Variants in ARRB1 observed in about 807,000 individuals in gnomAD.
ARRB1 encodes the protein arrestin beta 1.
ARRB1 carries 21 observed loss-of-function variants against 56.8 expected under a neutral mutation model. The observed-to-expected ratio is 0.37, with a 90% confidence interval of 0.26 to 0.53. ARRB1 has a LOEUF of 0.53. ARRB1 is among the 20% of genes least tolerant of loss of function. ARRB1 has a pLI of 0.88. For missense variants in ARRB1, 424 were observed against 553.7 expected, an observed-to-expected ratio of 0.77 and a Z score of 2.35; for synonymous variants, 210 against 218.6, an observed-to-expected ratio of 0.96 and a Z score of 0.35.
At chr11:75,294,180 C>G (rs991886517) in intron 1 of ARRB1, among the ~76,000 whole-genome samples, 5 of 152,054 alleles carry the variant, frequency 3.3e-5, no homozygotes, top group Non-Finnish European at 1.5e-5. Context: ...CAAGGAGGCC[C>G]GGGCAGAAGA....
intron 8 of ARRB1, 82 bp downstream of exon 8, chr11:75,278,527 T>A: frequency 6.3e-7 from 1 of 1,579,898 alleles, no homozygotes; most frequent in Non-Finnish European, 8.6e-7. Flanking sequence ...GAGGCATCCT[T>A]GCAGGCCAGG....
At chr11:75,349,586 G>C (rs566884095) in intron 1 of ARRB1, among the ~76,000 whole-genome samples, 4 of 152,206 alleles carry the variant, frequency 2.6e-5, no homozygotes, top group African/African-American at 7.2e-5. Flanking sequence ...GAGTCACTCC[G>C]ATCACAAGGC....
chr11:75,284,197 CG>C (rs779283389), intron 4 of ARRB1, 37 bp downstream of exon 4: 1 of 1,571,520 alleles, frequency 6.4e-7, no homozygotes, highest in South Asian at 1.2e-5. Context: ...GAAGAGGAGG[CG>C]GCCCTTGACA....
chr11:75,283,924 C>A (rs764935268), intron 4 of ARRB1, among the ~76,000 whole-genome samples: 1 of 152,208 alleles, frequency 6.6e-6, no homozygotes, highest in Non-Finnish European at 1.5e-5. Context: ...TGTCTTCCTG[C>A]GCATTGATAC....
rs1031175600 is a variant in ARRB1, at chr11:75,260,988, G to A, written c.*5175C>T. On this transcript the variant is annotated 3_prime_UTR_variant, in exon 16 of 16. Transcript: ENST00000420843. ...CCCTTGGGCCTAGGCCAGGAAAGTG[G>A]GGTGCCAGATAGGGGTGCAGACACA... 6.6e-6 allele frequency: 1 copy of A among 152,340 alleles called. No individual in the cohort carries two copies. The highest frequency in any genetic ancestry group is 2.4e-5 in the African/African-American group (1 of 41,410). 9.4% of individuals were successfully genotyped at this position (152,340 alleles called of 1,614,324 possible). A position where few individuals can be genotyped will look rare whatever the true frequency, so the allele number is the denominator to read the frequency against.
At chr11:75,314,356 G>A (rs956568152) in intron 1 of ARRB1, among the ~76,000 whole-genome samples, 1 of 151,984 alleles carries the variant, frequency 6.6e-6, no homozygotes, top group Admixed American at 6.6e-5. Context: ...GGGCATGGTG[G>A]CACAGCTCCC....
chr11:75,302,743 C>T (rs949167756), intron 1 of ARRB1, among the ~76,000 whole-genome samples: 3 of 152,150 alleles, frequency 2.0e-5, no homozygotes, highest in Admixed American at 1.3e-4. Context: ...CCAGTAGTGA[C>T]TCAACACAGG....
intron 1 of ARRB1, among the ~76,000 whole-genome samples, chr11:75,332,946 C>T (rs1419364662): frequency 1.3e-5 from 2 of 152,056 alleles, no homozygotes; most frequent in Admixed American, 6.6e-5. Context: ...CCCTGCCCAC[C>T]GCTTTGAGTT....
At chr11:75,298,112 G>A (rs1203674013) in intron 1 of ARRB1, among the ~76,000 whole-genome samples, 1 of 150,836 alleles carries the variant, frequency 6.6e-6, no homozygotes, top group Non-Finnish European at 1.5e-5. Context: ...GGCTGGGGGA[G>A]GGATAGCATT....
At chr11:75,267,156 G>C (rs757030984) in intron 15 of ARRB1, among the ~76,000 whole-genome samples, 1 of 152,208 alleles carries the variant, frequency 6.6e-6, no homozygotes, top group Admixed American at 6.5e-5. Context: ...ACCTGGAGGC[G>C]GTCCGCGCAG....
intron 4 of ARRB1, among the ~76,000 whole-genome samples, chr11:75,283,925 G>A (rs929244051): frequency 3.3e-5 from 5 of 152,202 alleles, no homozygotes; most frequent in South Asian, 2.1e-4. Context: ...GTCTTCCTGC[G>A]CATTGATACT....
chr11:75,289,410 C>A (rs1946553892), intron 2 of ARRB1, among the ~76,000 whole-genome samples: 1 of 152,210 alleles, frequency 6.6e-6, no homozygotes, highest in African/African-American at 2.4e-5. Flanking sequence ...TCTGCCACTT[C>A]ATGTTGAAAT....
At chr11:75,335,145 G>T (rs753764536) in intron 1 of ARRB1, 3 of 256,560 alleles carry the variant, frequency 1.2e-5, no homozygotes, top group South Asian at 3.8e-5. Flanking sequence ...AGCACCACCC[G>T]CCTTCACAAA....
At chr11:75,284,190 G>A (rs1946420714) in intron 4 of ARRB1, 45 bp downstream of exon 4, 1 of 1,566,312 alleles carries the variant, frequency 6.4e-7, no homozygotes, top group Non-Finnish European at 8.7e-7. Context: ...CCGGGGGGAA[G>A]AGGAGGCGGC....
At chr11:75,323,057 T>C (rs549698113) in intron 1 of ARRB1, among the ~76,000 whole-genome samples, 208 of 152,078 alleles carry the variant, frequency 1.4e-3, no homozygotes, top group Non-Finnish European at 2.2e-3. Context: ...ATTAGGGAGG[T>C]AGCAATGAGA....
chr11:75,300,691 G>C (rs1428171141), intron 1 of ARRB1, among the ~76,000 whole-genome samples: 44 of 148,254 alleles, frequency 3.0e-4, no homozygotes, highest in Non-Finnish European at 3.7e-4. Flanking sequence ...TTAGGGCCGG[G>C]CGCGGTGGCT....
chr11:75,319,992 G>A (rs1947321014), intron 1 of ARRB1, among the ~76,000 whole-genome samples: 1 of 152,198 alleles, frequency 6.6e-6, no homozygotes, highest in Non-Finnish European at 1.5e-5. Flanking sequence ...CCAGTTGGCT[G>A]TGAACTCCCC....
At chr11:75,287,486 A>T in intron 2 of ARRB1, 111 bp from the exon 3 acceptor site, 1 of 1,051,896 alleles carries the variant, frequency 9.5e-7, no homozygotes, top group South Asian at 1.7e-5. Flanking sequence ...CCCATCCCTA[A>T]CCCTTATCAA....
chr11:75,290,065 C>A (rs763730981), intron 1 of ARRB1, 26 bp from the exon 2 acceptor site: 17 of 1,613,908 alleles, frequency 1.1e-5, no homozygotes, highest in African/African-American at 1.3e-5. Flanking sequence ...GAGGTCAGGC[C>A]AGGGTTCGCG....
Sources: allele counts gnomAD v4.1 joint callset (sites outside exome capture counted in the v4.1 genomes callset), GRCh38; gene constraint gnomAD v4.1.1; transcripts MANE v1.5; gene names NCBI Gene and HGNC (gene_info 2026-07-23, HGNC 2026-07-21).